Variants in TESC observed in about 807,000 individuals in gnomAD.
TESC encodes calcineurin B homologous protein 3.
Under a neutral mutation model 31.0 loss-of-function variants are expected in TESC, and 19 were observed. The ratio of observed to expected loss-of-function variants is 0.61; its 90% CI spans 0.43 to 0.90. TESC has a LOEUF of 0.90. TESC is among the 40% of genes least tolerant of loss of function. TESC has a pLI of 0.00. For synonymous variants in TESC, 109 were observed against 114.8 expected, an observed-to-expected ratio of 0.95 and a Z score of 0.32; for missense variants, 248 against 303.8, an observed-to-expected ratio of 0.82 and a Z score of 1.36.
intron 2 of TESC, among the ~76,000 whole-genome samples, chr12:117,071,270 C>G (rs954161232): frequency 6.6e-6 from 1 of 152,230 alleles, no homozygotes; most frequent in Non-Finnish European, 1.5e-5. Context: ...AGCACTCTCA[C>G]AGCACCTACT....
intron 2 of TESC, among the ~76,000 whole-genome samples, chr12:117,070,976 A>T (rs199739587): frequency 5.7e-5 from 2 of 35,278 alleles, no homozygotes; most frequent in East Asian, 2.1e-3. Context: ...GTCAAAAAAT[A>T]AAAAAAAAGA....
rs544244182 is a variant in TESC, at chr12:117,047,488, G to A, written c.350-650C>T. On this transcript the variant is annotated intron_variant, in intron 4 of 7. Coordinates refer to ENST00000335209, the MANE Select transcript of TESC (RefSeq NM_017899.4). The stretch of plus-strand genomic sequence containing the variant: ...CACCCAGGCTGTAGTGTAGTGGCAC[G>A]ATCTGGGCTCTCTGCAACCTCTGCC... Among the ~76,000 whole-genome samples the A allele has an allele frequency of 1.9e-3, 284 of 152,072 alleles. 1 individual carries two copies. The highest frequency in any genetic ancestry group is 3.1e-3 in the Non-Finnish European group (209 of 67,992).
intron 2 of TESC, 132 bp downstream of exon 2, chr12:117,075,139 C>A (rs1488245557): frequency 1.1e-6 from 1 of 942,006 alleles, no homozygotes; most frequent in African/African-American, 1.7e-5. Context: ...GAGCGAGACT[C>A]CATCTCCAAA....
chr12:117,046,956 A>G, intron 4 of TESC, 118 bp from the exon 5 acceptor site: 5 of 1,108,330 alleles, frequency 4.5e-6, no homozygotes, highest in Non-Finnish European at 6.5e-6. Flanking sequence ...TGCCAAAGCC[A>G]GAGGGGTCAG....
chr12:117,052,376 GCTT>G (rs1363668275), intron 3 of TESC, among the ~76,000 whole-genome samples: 2 of 152,280 alleles, frequency 1.3e-5, no homozygotes, highest in African/African-American at 2.4e-5. Flanking sequence ...TCCTCCTCCA[GCTT>G]CTTCTCAGCA....
At chr12:117,084,361 T>C (rs1593022179) in intron 1 of TESC, among the ~76,000 whole-genome samples, 1 of 152,184 alleles carries the variant, frequency 6.6e-6, no homozygotes, top group African/African-American at 2.4e-5. Flanking sequence ...AGGCATGAAC[T>C]GGAGTCCCAC....
At chr12:117,060,474 G>A (rs1954787322) in intron 2 of TESC, among the ~76,000 whole-genome samples, 1 of 152,164 alleles carries the variant, frequency 6.6e-6, no homozygotes, top group African/African-American at 2.4e-5. Context: ...TTAGTGGGAG[G>A]CGACCACAGG....
chr12:117,046,278 G>A (rs1391835649), intron 6 of TESC, among the ~76,000 whole-genome samples: 3 of 152,346 alleles, frequency 2.0e-5, no homozygotes, highest in Middle Eastern at 3.4e-3. Flanking sequence ...CACTGACTGA[G>A]GCCGGGGTGG....
At chr12:117,060,602 G>A (rs1171209661) in intron 2 of TESC, among the ~76,000 whole-genome samples, 1 of 152,110 alleles carries the variant, frequency 6.6e-6, no homozygotes, top group Non-Finnish European at 1.5e-5. Context: ...CAAGCAACTT[G>A]GCCGGAGCCA....
chr12:117,096,785 G>A (rs777981694), intron 1 of TESC, among the ~76,000 whole-genome samples: 12 of 152,292 alleles, frequency 7.9e-5, no homozygotes, highest in African/African-American at 2.4e-4. Flanking sequence ...GAGCCCTGAC[G>A]ACAGCTGTGT....
At chr12:117,095,905 T>TA (rs561552631) in intron 1 of TESC, among the ~76,000 whole-genome samples, 45 of 151,712 alleles carry the variant, frequency 3.0e-4, no homozygotes, top group Middle Eastern at 3.4e-3. Context: ...AAAAAAACTG[T>TA]AAAAAAAGAA....
Position 117,044,997 on chromosome 12 carries a change from C to T in TESC, c.519+1562G>A, listed in dbSNP as rs563269273. Among the ~76,000 whole-genome samples the T allele has an allele frequency of 9.2e-5, 14 of 152,314 alleles. 1 individual carries two copies. In the South Asian group the frequency reaches 2.9e-3, roughly 32 times the overall value. On this transcript the variant is annotated intron_variant, in intron 6 of 7. Coordinates refer to ENST00000335209, the MANE Select transcript of TESC (RefSeq NM_017899.4). ...GGGACCAGGGATTGTTTGTCTTTGGCGGATGGCACGGTCAGAACGGGAAGT... is the reference window on the plus strand; with the variant it reads ...GGGACCAGGGATTGTTTGTCTTTGGTGGATGGCACGGTCAGAACGGGAAGT...
At chr12:117,048,723 C>T (rs140840830) in intron 4 of TESC, 7,560 of 554,454 alleles carry the variant, frequency 0.014, 127 homozygotes, top group South Asian at 0.036. Flanking sequence ...GCTGGTGAGA[C>T]GGGCCACACT....
chr12:117,052,989 G>A (rs979948272), intron 3 of TESC, among the ~76,000 whole-genome samples: 1 of 152,194 alleles, frequency 6.6e-6, no homozygotes, highest in Admixed American at 6.5e-5. Context: ...TCCCAGGCCT[G>A]CAGGGTGGTC....
At chr12:117,046,300 G>A (rs1181911723) in intron 6 of TESC, among the ~76,000 whole-genome samples, 1 of 152,178 alleles carries the variant, frequency 6.6e-6, no homozygotes, top group Non-Finnish European at 1.5e-5. Context: ...GGATCAGGGG[G>A]CTATGCAGGT....
At chr12:117,066,421 G>T (rs575913075) in intron 2 of TESC, among the ~76,000 whole-genome samples, 5 of 150,162 alleles carry the variant, frequency 3.3e-5, no homozygotes, top group African/African-American at 1.2e-4. Context: ...GCCCAGGCTG[G>T]AGTGCAGTGG....
At chr12:117,053,580 A>G (rs1269272938) in intron 3 of TESC, among the ~76,000 whole-genome samples, 1 of 152,096 alleles carries the variant, frequency 6.6e-6, no homozygotes, top group Non-Finnish European at 1.5e-5. Flanking sequence ...TGTTTGGACG[A>G]ACATATGCCC....
chr12:117,074,402 C>G (rs2135783690), intron 2 of TESC, among the ~76,000 whole-genome samples: 1 of 152,218 alleles, frequency 6.6e-6, no homozygotes, highest in East Asian at 1.9e-4. Context: ...ACAAATAATT[C>G]AACCGGAATA....
chr12:117,062,520 C>G (rs1954812846), intron 2 of TESC, among the ~76,000 whole-genome samples: 1 of 152,172 alleles, frequency 6.6e-6, no homozygotes, highest in African/African-American at 2.4e-5. Flanking sequence ...CTGCACCCGG[C>G]CTGTGCCCAT....
Sources: gnomAD v4.1 joint callset for allele counts (sites outside exome capture counted in the v4.1 genomes callset) on GRCh38, gnomAD v4.1.1 for gene constraint, MANE v1.5 for transcripts, NCBI Gene and HGNC (gene_info 2026-07-23, HGNC 2026-07-21) for gene names.